Variants in DPP10 observed in about 807,000 individuals in gnomAD.
DPP10 encodes dipeptidyl peptidase like 10, also known as inactive dipeptidyl peptidase 10.
A neutral mutation model predicts 120.9 loss-of-function variants in DPP10; 33 were observed. The ratio of observed to expected loss-of-function variants is 0.27; its 90% CI spans 0.21 to 0.37. The LOEUF (loss-of-function observed/expected upper bound fraction) is 0.37, where lower values mean the gene tolerates loss of function less well. DPP10 is among the 10% of genes least tolerant of loss of function. The pLI, the probability that DPP10 is intolerant of heterozygous loss-of-function variation, is 1.00. For missense variants in DPP10, 816 were observed against 942.8 expected (o/e 0.87, Z 1.76); for synonymous variants, 337 against 326.1 (o/e 1.03, Z -0.36).
At chr2:115,509,284 C>T (rs1005342180) in intron 4 of DPP10, among the ~76,000 whole-genome samples, 9 of 151,690 alleles carry the variant, frequency 5.9e-5, no homozygotes, top group Non-Finnish European at 2.9e-5. Flanking sequence ...AAGATTTGGA[C>T]GATAATAATA....
rs1160649369 is a variant in DPP10, at chr2:114,748,349, TTA to T, written c.60+305513_60+305514del. 1.9e-3 allele frequency among the ~76,000 whole-genome samples: 223 copies of T among 120,000 alleles called. 11 individuals carry two copies. Among genetic ancestry groups the T allele is most frequent in the East Asian group, 2.8e-3 (13 of 4,588 alleles). The allele number at this position is 120,000 out of a possible 152,430, so 78.7% of individuals were successfully genotyped here. ...ACAAAGGGAATTTTCTTTTTTTTTT[TTA>T]TTTTTTTTTATTTTATTTATTTATT... On this transcript the variant is annotated intron_variant, in intron 1 of 25. Coordinates refer to ENST00000410059, the MANE Select transcript of DPP10 (RefSeq NM_020868.6).
At chr2:115,595,267 A>T (rs1285147135) in intron 5 of DPP10, among the ~76,000 whole-genome samples, 1 of 152,114 alleles carries the variant, frequency 6.6e-6, no homozygotes, top group African/African-American at 2.4e-5. Flanking sequence ...CAGTTTACTC[A>T]ACAGGTTAAA....
chr2:115,301,382 G>A (rs62167291), intron 1 of DPP10, among the ~76,000 whole-genome samples: 3,095 of 151,786 alleles, frequency 0.02, 49 homozygotes, highest in Middle Eastern at 0.051. Context: ...AGTCCCTCAG[G>A]CAGCCCACAG....
At chr2:114,527,803 T>C (rs1685628445) in intron 1 of DPP10, among the ~76,000 whole-genome samples, 1 of 152,154 alleles carries the variant, frequency 6.6e-6, no homozygotes, top group South Asian at 2.1e-4. Context: ...GCTCCTAAGA[T>C]ACAAACCTGT....
chr2:114,566,714 G>C (rs1320518240), intron 1 of DPP10, among the ~76,000 whole-genome samples: 1 of 152,178 alleles, frequency 6.6e-6, no homozygotes, highest in African/African-American at 2.4e-5. Flanking sequence ...TCCCTTAAGT[G>C]AGTCACACAC....
intron 1 of DPP10, among the ~76,000 whole-genome samples, chr2:114,759,862 G>A (rs1302431373): frequency 6.6e-6 from 1 of 152,102 alleles, no homozygotes; most frequent in Non-Finnish European, 1.5e-5. Context: ...AGGCCAAATA[G>A]CAAGTAAGAG....
intron 1 of DPP10, among the ~76,000 whole-genome samples, chr2:114,519,100 T>G (rs1006383570): frequency 6.6e-6 from 1 of 152,254 alleles, no homozygotes; most frequent in African/African-American, 2.4e-5. Flanking sequence ...GATTATAATA[T>G]CATTCATTGA....
At chr2:115,163,785 G>C (rs2052618342) in intron 1 of DPP10, among the ~76,000 whole-genome samples, 1 of 152,166 alleles carries the variant, frequency 6.6e-6, no homozygotes, top group Admixed American at 6.5e-5. Context: ...ACACCAGCTG[G>C]TTACTTGAGG....
chr2:115,379,647 G>T (rs1319335496), intron 3 of DPP10, among the ~76,000 whole-genome samples: 3 of 151,730 alleles, frequency 2.0e-5, no homozygotes, highest in African/African-American at 7.3e-5. Flanking sequence ...GTGATGTCAG[G>T]GTGTCAATTT....
intron 1 of DPP10, among the ~76,000 whole-genome samples, chr2:114,831,857 A>AAT (rs3036394): frequency 0.5 from 72,780 of 145,848 alleles, 20,655 homozygotes; most frequent in Non-Finnish European, 0.63. Context: ...AATTAAAAAA[A>AAT]ATATATATAT....
At chr2:114,511,842 A>C (rs1946542) in intron 1 of DPP10, among the ~76,000 whole-genome samples, 104,824 of 152,114 alleles carry the variant, frequency 0.69, 36,275 homozygotes, top group Middle Eastern at 0.71. Flanking sequence ...ATCACCCCAG[A>C]ACAGAACACT....
At chr2:115,345,082 C>A (rs1198080887) in intron 3 of DPP10, among the ~76,000 whole-genome samples, 1 of 152,040 alleles carries the variant, frequency 6.6e-6, no homozygotes, top group Non-Finnish European at 1.5e-5. Context: ...TGCAGGCACT[C>A]GAGATTGGTT....
At chr2:115,506,488 T>A (rs2148817710) in intron 4 of DPP10, among the ~76,000 whole-genome samples, 1 of 152,204 alleles carries the variant, frequency 6.6e-6, no homozygotes, top group Non-Finnish European at 1.5e-5. Context: ...TGACTCCTAA[T>A]CCATTGTTGT....
At chr2:114,872,513 G>A (rs1690772352) in intron 1 of DPP10, among the ~76,000 whole-genome samples, 1 of 152,288 alleles carries the variant, frequency 6.6e-6, no homozygotes, top group South Asian at 2.1e-4. Context: ...TAGGTGGCAG[G>A]TAACAATTAA....
At chr2:115,839,829 G>A (rs1212251850) in intron 24 of DPP10, among the ~76,000 whole-genome samples, 1 of 152,042 alleles carries the variant, frequency 6.6e-6, no homozygotes, top group Non-Finnish European at 1.5e-5. Context: ...CAAACCCATG[G>A]CTATTGGGCT....
At chr2:115,804,162 A>C (rs979884447) in intron 19 of DPP10, among the ~76,000 whole-genome samples, 1 of 151,856 alleles carries the variant, frequency 6.6e-6, no homozygotes, top group African/African-American at 2.4e-5. Context: ...ACTTCTCTTC[A>C]TGCTTCATTT....
chr2:115,270,359 G>T (rs1391646960), intron 1 of DPP10, among the ~76,000 whole-genome samples: 1 of 152,068 alleles, frequency 6.6e-6, no homozygotes, highest in Non-Finnish European at 1.5e-5. Flanking sequence ...GGGCAAGGTT[G>T]CAGGGGCAAT....
intron 5 of DPP10, among the ~76,000 whole-genome samples, chr2:115,681,455 G>T (rs1384256820): frequency 6.6e-6 from 1 of 151,674 alleles, no homozygotes; most frequent in Non-Finnish European, 1.5e-5. Flanking sequence ...TCATTTTAAG[G>T]ATTTTCTATC....
intron 5 of DPP10, among the ~76,000 whole-genome samples, chr2:115,622,201 G>A (rs1400412185): frequency 1.3e-5 from 2 of 151,984 alleles, no homozygotes; most frequent in Non-Finnish European, 2.9e-5. Flanking sequence ...GCAGCCCCCA[G>A]CCATAGACAA....
Sources: gnomAD v4.1 joint callset for allele counts (sites outside exome capture counted in the v4.1 genomes callset) on GRCh38, gnomAD v4.1.1 for gene constraint, MANE v1.5 for transcripts, NCBI Gene and HGNC (gene_info 2026-07-23, HGNC 2026-07-21) for gene names.